The following DPY19L2 variants were observed in gnomAD, a reference collection of about 807,000 sequenced individuals.
DPY19L2 encodes dpy-19 like 2, also known as probable C-mannosyltransferase DPY19L2.
In DPY19L2, 34 loss-of-function variants were observed where a neutral mutation model predicts 97.9. That is an observed-to-expected ratio of 0.35 (90% CI 0.26 to 0.46). The LOEUF (loss-of-function observed/expected upper bound fraction) is 0.46, where lower values mean the gene tolerates loss of function less well. DPY19L2 is among the 20% of genes least tolerant of loss of function. The pLI is 1.00. For missense variants in DPY19L2, 623 were observed against 911.4 expected (o/e 0.68, Z 4.07); for synonymous variants, 230 against 307.9 (o/e 0.75, Z 2.65).
intron 8 of DPY19L2, among the ~76,000 whole-genome samples, chr12:63,621,718 GCCACAA>G (rs915115494): frequency 2.0e-5 from 3 of 152,048 alleles, no homozygotes; most frequent in Admixed American, 2.0e-4. Flanking sequence ...ACTTTTATAT[GCCACAA>G]CTTTTGTGCT....
At chr12:63,651,314 G>A (rs61936124) in intron 4 of DPY19L2, among the ~76,000 whole-genome samples, 17,109 of 151,982 alleles carry the variant, frequency 0.11, 1,082 homozygotes, top group East Asian at 0.28. Context: ...GAAGAAAACA[G>A]AAAATATCAT....
chr12:63,593,440 C>G (rs1286489202), intron 16 of DPY19L2, among the ~76,000 whole-genome samples: 3 of 152,098 alleles, frequency 2.0e-5, no homozygotes, highest in Non-Finnish European at 4.4e-5. Context: ...CACATATACA[C>G]CATGGAATAC....
intron 21 of DPY19L2, among the ~76,000 whole-genome samples, chr12:63,561,740 A>T (rs1876557741): frequency 6.6e-6 from 1 of 151,532 alleles, no homozygotes; most frequent in Admixed American, 6.6e-5. Flanking sequence ...CACTATAAAC[A>T]TTCATGGACA....
At chr12:63,625,363 C>G (rs967328360) in intron 7 of DPY19L2, among the ~76,000 whole-genome samples, 5 of 151,612 alleles carry the variant, frequency 3.3e-5, no homozygotes, top group African/African-American at 1.2e-4. Flanking sequence ...CGCCACTGCA[C>G]TCCAGCCTGG....
intron 6 of DPY19L2, among the ~76,000 whole-genome samples, chr12:63,630,132 T>C (rs1473780993): frequency 1.3e-5 from 2 of 152,068 alleles, no homozygotes; most frequent in East Asian, 1.9e-4. Context: ...GTAAAGACCA[T>C]CAAAGCTAGG....
chr12:63,582,316 T>C (rs530270104), intron 18 of DPY19L2, 90 bp downstream of exon 18: 8 of 1,355,254 alleles, frequency 5.9e-6, no homozygotes, highest in East Asian at 2.4e-5. Flanking sequence ...AGTGTGTTTA[T>C]ATTTTGAATT....
chr12:63,642,527 C>T (rs1892846457), intron 6 of DPY19L2, among the ~76,000 whole-genome samples: 1 of 152,070 alleles, frequency 6.6e-6, no homozygotes, highest in African/African-American at 2.4e-5. Context: ...TCCATATGAT[C>T]TCCCAATTAT....
At chr12:63,618,728 T>C (rs1399494500) in intron 9 of DPY19L2, among the ~76,000 whole-genome samples, 1 of 152,102 alleles carries the variant, frequency 6.6e-6, no homozygotes, top group Non-Finnish European at 1.5e-5. Flanking sequence ...CTACGGATCA[T>C]CTCAATCTGA....
At chr12:63,570,300 T>C (rs1878553060) in intron 20 of DPY19L2, among the ~76,000 whole-genome samples, 1 of 152,188 alleles carries the variant, frequency 6.6e-6, no homozygotes, top group Non-Finnish European at 1.5e-5. Flanking sequence ...ATAGCAACTT[T>C]CATGTACTTT....
intron 21 of DPY19L2, 110 bp from the exon 22 acceptor site, chr12:63,560,772 A>T (rs1876336672): frequency 7.1e-7 from 1 of 1,412,518 alleles, no homozygotes; most frequent in Non-Finnish European, 9.5e-7. Flanking sequence ...TAAGTTAAAT[A>T]TTTTAAAGCG....
chr12:63,634,693 C>T (rs1342999806), intron 6 of DPY19L2, among the ~76,000 whole-genome samples: 1 of 152,166 alleles, frequency 6.6e-6, no homozygotes, highest in Admixed American at 6.5e-5. Flanking sequence ...GCTAGCACAG[C>T]AGTCTGAGAT....
chr12:63,600,487 A>C, intron 12 of DPY19L2, 101 bp from the exon 13 acceptor site: 1 of 999,604 alleles, frequency 1.0e-6, no homozygotes, highest in South Asian at 1.5e-5. Context: ...TAATTATGTG[A>C]GGTATAAATG....
intron 7 of DPY19L2, among the ~76,000 whole-genome samples, chr12:63,626,041 G>A (rs1220756328): frequency 6.7e-6 from 1 of 149,664 alleles, no homozygotes; most frequent in Non-Finnish European, 1.5e-5. Flanking sequence ...GACAGATATA[G>A]AATGGGAAAT....
chr12:63,580,866 T>G, intron 18 of DPY19L2, 30 bp from the exon 19 acceptor site: 1 of 1,604,328 alleles, frequency 6.2e-7, no homozygotes, highest in Non-Finnish European at 8.5e-7. Context: ...TTATTTCTAG[T>G]TCTTATATGA....
intron 6 of DPY19L2, among the ~76,000 whole-genome samples, chr12:63,634,516 G>A (rs1345186085): frequency 6.6e-6 from 1 of 152,188 alleles, no homozygotes; most frequent in East Asian, 1.9e-4. Flanking sequence ...AAGGGTTGGG[G>A]AATTCCCTTT....
At chr12:63,592,007 AG>A in intron 16 of DPY19L2, among the ~76,000 whole-genome samples, 1 of 2,712 alleles carries the variant, frequency 3.7e-4, no homozygotes, top group Non-Finnish European at 7.1e-4. Flanking sequence ...AGGGGAAGGG[AG>A]GGGAGGGGAG....
At chr12:63,626,253 A>G (rs1175159309) in intron 7 of DPY19L2, among the ~76,000 whole-genome samples, 2 of 151,576 alleles carry the variant, frequency 1.3e-5, no homozygotes, top group Non-Finnish European at 2.9e-5. Context: ...ATATGTATAT[A>G]TTTACTAAAA....
intron 11 of DPY19L2, among the ~76,000 whole-genome samples, chr12:63,615,738 T>C (rs1441448026): frequency 6.6e-6 from 1 of 152,098 alleles, no homozygotes; most frequent in African/African-American, 2.4e-5. Flanking sequence ...AGATAGTCAT[T>C]ATCGTTTTAG....
intron 4 of DPY19L2, among the ~76,000 whole-genome samples, chr12:63,654,950 T>C (rs935842007): frequency 6.6e-6 from 1 of 152,132 alleles, no homozygotes; most frequent in African/African-American, 2.4e-5. Context: ...ATTCTTTTAG[T>C]TGATAGAAGA....
Sources: allele counts gnomAD v4.1 joint callset (sites outside exome capture counted in the v4.1 genomes callset), GRCh38; gene constraint gnomAD v4.1.1; transcripts MANE v1.5; gene names NCBI Gene and HGNC (gene_info 2026-07-23, HGNC 2026-07-21).